Variants in COL6A5 observed in about 807,000 individuals in gnomAD.
COL6A5 encodes collagen type VI alpha 5 chain.
COL6A5 carries 48 observed loss-of-function variants against 65.6 expected under a neutral mutation model. That is an observed-to-expected ratio of 0.73 (90% confidence interval 0.58 to 0.93). The LOEUF (loss-of-function observed/expected upper bound fraction) is 0.93, where lower values mean the gene tolerates loss of function less well. Among genes scored for constraint, COL6A5 ranks in the 40% least tolerant of loss-of-function variants. The pLI is 0.00. For synonymous variants in COL6A5, 291 were observed against 322.8 expected (o/e 0.90, Z 1.05); for missense variants, 914 against 928.3 (o/e 0.98, Z 0.20).
At chr3:130,393,076 T>TG (rs1553749732) in intron 7 of COL6A5, among the ~76,000 whole-genome samples, 176 of 92,282 alleles carry the variant, frequency 1.9e-3, no homozygotes, top group African/African-American at 6.5e-3. Context: ...TGTTTTTTTT[T>TG]TGTGTGTGTG....
intron 1 of COL6A5, among the ~76,000 whole-genome samples, chr3:130,350,602 A>G (rs985688521): frequency 6.6e-6 from 1 of 152,228 alleles, no homozygotes; most frequent in Non-Finnish European, 1.5e-5. Flanking sequence ...CCAACTTACA[A>G]GGGATGTGAA....
At chr3:130,456,580 C>G (rs1709578056) in intron 5 of COL6A5, among the ~76,000 whole-genome samples, 1 of 151,672 alleles carries the variant, frequency 6.6e-6, no homozygotes, top group African/African-American at 2.4e-5. Flanking sequence ...TATTATGTAC[C>G]CCATAAATAT....
exon 1 of COL6A5, chr3:130,431,630 C>G (rs1937814780): frequency 1.3e-6 from 2 of 1,551,414 alleles, no homozygotes; most frequent in African/African-American, 2.7e-5. Context: ...GCCATGGTTT[C>G]CTATAACTCA....
chr3:130,429,577 C>T (rs1410297396), upstream of COL6A5: 4 of 1,546,438 alleles, frequency 2.6e-6, no homozygotes, highest in East Asian at 2.5e-5. Context: ...TCACAGCTTG[C>T]TGGAAAGGTG....
chr3:130,405,599 A>G lies in COL6A5; in HGVS notation c.4293A>G (p.Gly1431=), dbSNP rs767497892. 6 of 1,550,750 alleles carry G rather than the reference A, an allele frequency of 3.9e-6. No individual in the cohort carries two copies. In the African/African-American group the frequency reaches 8.2e-5, roughly 21 times the overall value. The change falls in exon 14 of 42, where the codon GGA becomes GGG. Residue 1431 remains glycine, a synonymous_variant and NMD_transcript_variant. Transcript: ENST00000312481. ...GCTCCTTTTCTTAGGGAGTACGAGG[A>G]GACACAGGACCCCAAGGAGACAAAG... is the stretch of plus-strand genomic sequence containing the variant.
At chr3:130,459,222 A>C (rs819079) in intron 5 of COL6A5, among the ~76,000 whole-genome samples, 112,150 of 152,028 alleles carry the variant, frequency 0.74, 45,501 homozygotes, top group Non-Finnish European at 0.92. Flanking sequence ...AGAAATGAGA[A>C]GCAACACTTG....
chr3:130,468,151 T>C (rs890129248), intron 5 of COL6A5, among the ~76,000 whole-genome samples: 2 of 152,056 alleles, frequency 1.3e-5, no homozygotes. Flanking sequence ...CTAATCAGTG[T>C]GCTTAGTAAT....
chr3:130,393,293 G>C (rs1201135281), intron 7 of COL6A5, among the ~76,000 whole-genome samples: 2 of 151,900 alleles, frequency 1.3e-5, no homozygotes, highest in East Asian at 3.9e-4. Flanking sequence ...CCACCACTGT[G>C]CCTGCCTACG....
chr3:130,347,411 C>G (rs1934526922), intron 1 of COL6A5, among the ~76,000 whole-genome samples: 1 of 151,626 alleles, frequency 6.6e-6, no homozygotes, highest in Non-Finnish European at 1.5e-5. Flanking sequence ...GGCTTTTTCA[C>G]AGATTTCAAA....
At chr3:130,345,757 C>T (rs951067781) in exon 1 of COL6A5, 14 of 398,714 alleles carry the variant, frequency 3.5e-5, no homozygotes, top group South Asian at 1.3e-4. Context: ...TTAAAAGACC[C>T]TCTCAGGGCA....
chr3:130,443,367 T>C lies in COL6A5; in HGVS notation c.1242-109T>C, dbSNP rs1161270168. 14 of 750,882 alleles carry C rather than the reference T, an allele frequency of 1.9e-5. No homozygotes were observed. In the East Asian group the frequency reaches 3.8e-4, roughly 20 times the overall value. 46.5% of individuals were successfully genotyped at this position (750,882 alleles called of 1,614,324 possible). A position where few individuals can be genotyped will look rare whatever the true frequency, so the allele number is the denominator to read the frequency against. ...TCACCCCAGCCAAATTTTGCTGAAA[T>C]ATGTTAGTGACATTAGTTGCTTCAA... On this transcript the variant is annotated intron_variant, in intron 3 of 7. Coordinates refer to ENST00000512836, the Ensembl canonical transcript of COL6A5.
At chr3:130,374,501 C>T (rs1316609330) in intron 2 of COL6A5, among the ~76,000 whole-genome samples, 1 of 151,994 alleles carries the variant, frequency 6.6e-6, no homozygotes, top group African/African-American at 2.4e-5. Flanking sequence ...TCACTCAAGC[C>T]AGAGTGGAGT....
At chr3:130,388,931 G>A in exon 6 of COL6A5, 1 of 1,548,164 alleles carries the variant, frequency 6.5e-7, no homozygotes. Flanking sequence ...ATCACAGATG[G>A]AGTAGCGCAG....
intron 1 of COL6A5, among the ~76,000 whole-genome samples, chr3:130,348,049 T>C (rs953019507): frequency 2.0e-5 from 3 of 152,198 alleles, no homozygotes; most frequent in East Asian, 3.8e-4. Context: ...TTCCCTAACA[T>C]GCACACAACT....
chr3:130,373,644 G>T, exon 2 of COL6A5: 5 of 1,530,174 alleles, frequency 3.3e-6, no homozygotes, highest in Non-Finnish European at 4.4e-6. Context: ...ACAAAATGAA[G>T]ATCTTGCTAA....
At chr3:130,419,328 T>G (rs6806491) in intron 25 of COL6A5, among the ~76,000 whole-genome samples, 8,437 of 152,276 alleles carry the variant, frequency 0.055, 278 homozygotes, top group African/African-American at 0.087. Flanking sequence ...CACATTTTTA[T>G]GCCTGCACTC....
At chr3:130,450,057 A>T (rs186518) in intron 4 of COL6A5, among the ~76,000 whole-genome samples, 126,479 of 151,982 alleles carry the variant, frequency 0.83, 54,178 homozygotes, top group Non-Finnish European at 0.93. Flanking sequence ...GTGGACAAGC[A>T]TTGTACTGAG....
At chr3:130,421,303 T>A in intron 26 of COL6A5, 22 bp from the exon 27 acceptor site, 1 of 1,550,628 alleles carries the variant, frequency 6.4e-7, no homozygotes, top group Non-Finnish European at 8.7e-7. Context: ...GATGTATTTA[T>A]GTTCTGTGCT....
chr3:130,360,384 T>C (rs1306114085), intron 1 of COL6A5, among the ~76,000 whole-genome samples: 1 of 152,128 alleles, frequency 6.6e-6, no homozygotes, highest in Non-Finnish European at 1.5e-5. Context: ...TTCAAATTCA[T>C]ATTATGAGGG....
Sources: gnomAD v4.1 joint callset for allele counts (sites outside exome capture counted in the v4.1 genomes callset) on GRCh38, gnomAD v4.1.1 for gene constraint, MANE v1.5 for transcripts, NCBI Gene and HGNC (gene_info 2026-07-23, HGNC 2026-07-21) for gene names.